The following SSBP4 variants were observed in gnomAD, a reference collection of about 807,000 sequenced individuals.
SSBP4 encodes the protein single-stranded DNA-binding protein 4.
A neutral mutation model predicts 64.6 loss-of-function variants in SSBP4; 33 were observed. That is an observed-to-expected ratio of 0.51 (90% CI 0.39 to 0.68). The LOEUF (loss-of-function observed/expected upper bound fraction) is 0.68, where lower values mean the gene tolerates loss of function less well. SSBP4 is among the 30% of genes least tolerant of loss of function. SSBP4 has a pLI of 0.00. For synonymous variants in SSBP4, 243 were observed against 224.0 expected, an observed-to-expected ratio of 1.08 and a Z score of -0.76; for missense variants, 583 against 566.8, an observed-to-expected ratio of 1.03 and a Z score of -0.29.
intron 11 of SSBP4, 28 bp downstream of exon 11, chr19:18,432,632 TG>T: frequency 8.6e-6 from 3 of 346,862 alleles, no homozygotes; most frequent in Non-Finnish European, 1.7e-5. Context: ...TGGGCAGGCT[TG>T]GGGTGGGGTG....
chr19:18,433,322 T>A, intron 15 of SSBP4, 109 bp downstream of exon 15: 1 of 1,413,854 alleles, frequency 7.1e-7, no homozygotes. Context: ...TCTAGTGGCG[T>A]CCTGAGCCCC....
At chr19:18,403,277 G>T in the SSBP4 span, among the ~76,000 whole-genome samples, 1 of 152,204 alleles carries the variant, frequency 6.6e-6, no homozygotes, top group Non-Finnish European at 1.5e-5. Flanking sequence ...AGTGAAAATA[G>T]TAATCAATAA....
chr19:18,433,522 G>A, intron 15 of SSBP4, 63 bp from the exon 16 acceptor site: 9 of 1,541,380 alleles, frequency 5.8e-6, no homozygotes, highest in Non-Finnish European at 7.9e-6. Flanking sequence ...GTTGGCCCCT[G>A]GAGGCCGAGG....
chr19:18,413,294 C>A, the SSBP4 span, among the ~76,000 whole-genome samples: 1 of 151,986 alleles, frequency 6.6e-6, no homozygotes, highest in Admixed American at 6.6e-5. Flanking sequence ...CGGCAACCTC[C>A]GCTTCCTGGG....
chr19:18,421,988 C>G (rs534400175), intron 1 of SSBP4, among the ~76,000 whole-genome samples: 1 of 152,214 alleles, frequency 6.6e-6, no homozygotes, highest in Non-Finnish European at 1.5e-5. Flanking sequence ...TGATGAAACC[C>G]TGTCTCTACT....
chr19:18,431,327 C>CAGAA, intron 5 of SSBP4, 26 bp from the exon 6 acceptor site: 1 of 664,750 alleles, frequency 1.5e-6, no homozygotes, highest in Non-Finnish European at 2.7e-6. Flanking sequence ...TCACTCCCCC[C>CAGAA]CACCCACCTG....
intron 1 of SSBP4, among the ~76,000 whole-genome samples, chr19:18,420,586 G>A (rs1184420112): frequency 6.6e-6 from 1 of 152,110 alleles, no homozygotes; most frequent in African/African-American, 2.4e-5. Flanking sequence ...GAGGCCGGGC[G>A]CGGTGGCTCA....
At chr19:18,430,698 G>C (rs1973288118) in intron 4 of SSBP4, 143 bp from the exon 5 acceptor site, 4 of 654,696 alleles carry the variant, frequency 6.1e-6, no homozygotes, top group African/African-American at 5.6e-5. Context: ...AGATCCTCAG[G>C]CCGACAACCC....
chr19:18,431,457 C>A, intron 6 of SSBP4, 39 bp downstream of exon 6: 2 of 1,164,404 alleles, frequency 1.7e-6, no homozygotes, highest in Non-Finnish European at 2.5e-6. Flanking sequence ...ACACACACAT[C>A]CCCTCCCCCA....
chr19:18,434,226 G>C lies in SSBP4; in HGVS notation c.1138G>C (p.Gly380Arg). 3 of 1,611,998 alleles carry C rather than the reference G, an allele frequency of 1.9e-6. No individual in the cohort carries two copies. Among genetic ancestry groups the C allele is most frequent in the South Asian group, 2.2e-5 (2 of 91,024 alleles). Residue 380 changes from glycine (G) to arginine (R), a missense_variant, in exon 18 of 18, where the codon GGG becomes CGG. Transcript: ENST00000270061. Reference protein sequence around the residue: ...HPFPSESYSPGMTMSV With the variant: ...HPFPSESYSPRMTMSV ...CCTCCTCTCTCCGCAGTACTCGCCA[G>C]GGATGACCATGAGCGTGTGATGGGG...
intron 1 of SSBP4, 111 bp downstream of exon 1, chr19:18,419,818 G>C: frequency 1.3e-6 from 1 of 761,298 alleles, no homozygotes; most frequent in Non-Finnish European, 1.7e-6. Context: ...GCGCGAGCCT[G>C]AGCGCGCTCG....
chr19:18,408,022 G>A, the SSBP4 span, among the ~76,000 whole-genome samples: 1 of 152,206 alleles, frequency 6.6e-6, no homozygotes, highest in Non-Finnish European at 1.5e-5. Context: ...TGGGACTACA[G>A]GCATGAGCCA....
In SSBP4 at chr19:18,434,305, A is replaced by C; in HGVS notation, c.*59A>C. ...AGGCTTCTGCCCAGCGCCCCTGCTCAGGGCGAGGGGCTGAGGTCACACCTC... is the reference window on the plus strand; with the variant it reads ...AGGCTTCTGCCCAGCGCCCCTGCTCCGGGCGAGGGGCTGAGGTCACACCTC... On this transcript the variant is annotated 3_prime_UTR_variant, in exon 18 of 18. Coordinates refer to ENST00000270061, the MANE Select transcript of SSBP4 (RefSeq NM_032627.5). 3 of 1,597,692 alleles carry C rather than the reference A, an allele frequency of 1.9e-6. No homozygotes were observed. Among genetic ancestry groups the C allele is most frequent in the Non-Finnish European group, 2.6e-6 (3 of 1,173,002 alleles).
intron 6 of SSBP4, 44 bp downstream of exon 6, chr19:18,431,462 C>T (rs1973375383): frequency 9.0e-7 from 1 of 1,108,918 alleles, no homozygotes. Flanking sequence ...CACATCCCCT[C>T]CCCCAGCGCC....
At chr19:18,422,148 G>A (rs1218773274) in intron 1 of SSBP4, among the ~76,000 whole-genome samples, 4 of 152,142 alleles carry the variant, frequency 2.6e-5, no homozygotes, top group East Asian at 3.9e-4. Flanking sequence ...GTGACAGGGC[G>A]AGACTCCATC....
chr19:18,423,057 A>G lies in SSBP4; in HGVS notation c.59+3350A>G, dbSNP rs1218057350. Among the ~76,000 whole-genome samples, 1 of 152,196 alleles carries G rather than the reference A, an allele frequency of 6.6e-6. No homozygotes were observed. The highest frequency in any genetic ancestry group is 1.5e-5 in the Non-Finnish European group (1 of 68,028). ...CCCTCGGGGGCTCGCAGCAGATGGCAGTGACTGTGGAGTGCAGGGGCAGCA... is the reference window on the plus strand; with the variant it reads ...CCCTCGGGGGCTCGCAGCAGATGGCGGTGACTGTGGAGTGCAGGGGCAGCA... On this transcript the variant is annotated intron_variant, in intron 1 of 17. Coordinates refer to ENST00000270061, the MANE Select transcript of SSBP4 (RefSeq NM_032627.5). This position sits in a 1 kb window ranked among gnomAD's most constrained non-coding sequence, Gnocchi z 4.0.
the SSBP4 span, among the ~76,000 whole-genome samples, chr19:18,408,381 C>T: frequency 5.3e-5 from 8 of 152,162 alleles, no homozygotes; most frequent in African/African-American, 1.9e-4. Flanking sequence ...CGCTGGCACC[C>T]CCTGCAGGGC....
chr19:18,431,573 A>G (rs1973385155), intron 6 of SSBP4, 74 bp from the exon 7 acceptor site: 1 of 1,500,254 alleles, frequency 6.7e-7, no homozygotes, highest in Non-Finnish European at 9.0e-7. Context: ...CGGGGGCCCC[A>G]GCATAGCAGG....
chr19:18,432,272 G>T (rs1393512530), intron 10 of SSBP4, 58 bp downstream of exon 10: 1 of 1,585,486 alleles, frequency 6.3e-7, no homozygotes, highest in Non-Finnish European at 8.6e-7. Flanking sequence ...CAGCTTCATG[G>T]CTGGGTCAGC....
Sources: gnomAD v4.1 joint callset for allele counts (sites outside exome capture counted in the v4.1 genomes callset) on GRCh38, gnomAD v4.1.1 for gene constraint, Gnocchi (gnomAD v3.1) non-coding constraint, MANE v1.5 for transcripts, NCBI Gene and HGNC (gene_info 2026-07-23, HGNC 2026-07-21) for gene names.